SPRED1: variants seen among roughly 807,000 people sequenced by gnomAD.
The protein encoded by SPRED1 is sprouty related EVH1 domain containing 1.
SPRED1 carries 18 observed loss-of-function variants against 52.3 expected under a neutral mutation model. The observed-to-expected ratio is 0.34, with a 90% CI of 0.24 to 0.51. The LOEUF (loss-of-function observed/expected upper bound fraction) is 0.51. SPRED1 is among the 20% of genes least tolerant of loss of function. The pLI is 0.97. For synonymous variants in SPRED1, 155 were observed against 179.7 expected (o/e 0.86, Z 1.10); for missense variants, 485 against 551.0 (o/e 0.88, Z 1.20).
At chr15:38,265,827 G>T (rs74800982) in intron 1 of SPRED1, among the ~76,000 whole-genome samples, 4 of 151,816 alleles carry the variant, frequency 2.6e-5, no homozygotes, top group East Asian at 1.9e-4. Flanking sequence ...ATCTATTTTC[G>T]TGGGAGAGAA....
rs200632168 is a variant in SPRED1, at chr15:38,339,918, C to T, written c.582+23C>T. The T allele has an allele frequency of 1.2e-4, 196 of 1,613,298 alleles. No homozygotes were observed. The East Asian group carries it at 3.7e-3, about 30-fold the overall frequency. On this transcript the variant is annotated intron_variant, in intron 5 of 6. Transcript: ENST00000299084. ...CAGGTAAGAAGATAAAATATTTTTTCGGCGCGTTGTTTATATGTGTAGAAA... is the reference window on the plus strand; with the variant it reads ...CAGGTAAGAAGATAAAATATTTTTTTGGCGCGTTGTTTATATGTGTAGAAA...
At chr15:38,263,116 T>G (rs1894236221) in intron 1 of SPRED1, among the ~76,000 whole-genome samples, 1 of 152,218 alleles carries the variant, frequency 6.6e-6, no homozygotes, top group Admixed American at 6.5e-5. Flanking sequence ...GAGAAGAAAT[T>G]CAAATGTCCA....
chr15:38,305,199 G>A (rs1346869486), intron 2 of SPRED1, among the ~76,000 whole-genome samples: 1 of 152,066 alleles, frequency 6.6e-6, no homozygotes, highest in African/African-American at 2.4e-5. Flanking sequence ...GGGCATGGGG[G>A]CAGACACCTG....
chr15:38,260,806 C>T (rs995277653), intron 1 of SPRED1, among the ~76,000 whole-genome samples: 1 of 152,086 alleles, frequency 6.6e-6, no homozygotes, highest in African/African-American at 2.4e-5. Context: ...ACACAAAAGG[C>T]TAAAATCTTC....
intron 1 of SPRED1, among the ~76,000 whole-genome samples, chr15:38,284,999 G>A (rs1218125549): frequency 6.6e-6 from 1 of 151,812 alleles, no homozygotes; most frequent in African/African-American, 2.4e-5. Context: ...ACATTGAGAA[G>A]CCTTCCTCTG....
At chr15:38,311,430 A>G (rs1425310582) in intron 2 of SPRED1, among the ~76,000 whole-genome samples, 1 of 152,140 alleles carries the variant, frequency 6.6e-6, no homozygotes, top group Non-Finnish European at 1.5e-5. Context: ...TCAAGGTAAT[A>G]CTGGCCTCAT....
chr15:38,340,013 A>G, intron 5 of SPRED1, 118 bp downstream of exon 5: 1 of 1,268,222 alleles, frequency 7.9e-7, no homozygotes, highest in Non-Finnish European at 1.1e-6. Flanking sequence ...CAAACAAACA[A>G]AAACCCCACA....
intron 1 of SPRED1, among the ~76,000 whole-genome samples, chr15:38,294,350 C>T (rs1175039631): frequency 2.0e-5 from 3 of 151,852 alleles, no homozygotes; most frequent in Non-Finnish European, 2.9e-5. Flanking sequence ...GTTGGTGGGG[C>T]GGAGGTCAGG....
At chr15:38,286,061 T>C (rs1894800683) in intron 1 of SPRED1, among the ~76,000 whole-genome samples, 1 of 151,800 alleles carries the variant, frequency 6.6e-6, no homozygotes, top group African/African-American at 2.4e-5. Context: ...CTGGGAAACA[T>C]AGTGAGGCCC....
chr15:38,265,942 C>T (rs370106028), intron 1 of SPRED1, among the ~76,000 whole-genome samples: 6 of 152,074 alleles, frequency 3.9e-5, no homozygotes, highest in South Asian at 2.1e-4. Context: ...ATTAGATGGA[C>T]GCACTATTTC....
chr15:38,271,334 A>G (rs1894430373), intron 1 of SPRED1, among the ~76,000 whole-genome samples: 1 of 152,208 alleles, frequency 6.6e-6, no homozygotes, highest in African/African-American at 2.4e-5. Context: ...GTGCATTGGA[A>G]TGCTGGGCTA....
chr15:38,352,847 A>G lies in SPRED1; in HGVS notation c.*1183A>G, dbSNP rs986815823. ...AACTGGCCAAAAGCAAAATTATTTTATGTTAAAATGTGTGCTAAACTATCC... is the reference window on the plus strand; with the variant it reads ...AACTGGCCAAAAGCAAAATTATTTTGTGTTAAAATGTGTGCTAAACTATCC... On this transcript the variant is annotated 3_prime_UTR_variant, in exon 7 of 7. Transcript: ENST00000299084. The G allele has an allele frequency of 6.6e-6, 1 of 152,274 alleles. No homozygotes were observed. Among genetic ancestry groups the G allele is most frequent in the African/African-American group, 2.4e-5 (1 of 41,594 alleles). 9.4% of individuals were successfully genotyped at this position (152,274 alleles called of 1,614,324 possible).
At position 38,356,568 on chromosome 15, in the gene SPRED1, T is replaced by C. The variant is rs1235859355; in HGVS notation, c.*4904T>C. The C allele has an allele frequency of 6.6e-6, 1 of 152,132 alleles. No individual in the cohort carries two copies. Among genetic ancestry groups the C allele is most frequent in the African/African-American group, 2.4e-5 (1 of 41,454 alleles). 9.4% of individuals were successfully genotyped at this position (152,132 alleles called of 1,614,324 possible). A position where few individuals can be genotyped will look rare whatever the true frequency, so the allele number is the denominator to read the frequency against. On this transcript the variant is annotated 3_prime_UTR_variant, in exon 7 of 7. Transcript: ENST00000299084. ...GATAATTAGCTCTGTTCTTTAAAAG[T>C]ATACTTTTAAACTGAAAGTTCACAT...
intron 3 of SPRED1, among the ~76,000 whole-genome samples, chr15:38,323,997 TA>T (rs879712715): frequency 6.6e-6 from 1 of 152,146 alleles, no homozygotes; most frequent in East Asian, 1.9e-4. Flanking sequence ...TTTTGAACAT[TA>T]AAAAACATTA....
intron 1 of SPRED1, chr15:38,283,534 T>G: frequency 1.0e-6 from 1 of 982,056 alleles, no homozygotes; most frequent in Non-Finnish European, 1.2e-6. Context: ...CTTTTTTCAG[T>G]AAGTGCTATG....
intron 2 of SPRED1, among the ~76,000 whole-genome samples, chr15:38,304,531 A>G (rs888860182): frequency 3.3e-5 from 5 of 152,204 alleles, no homozygotes; most frequent in African/African-American, 1.2e-4. Flanking sequence ...ACCCACATAT[A>G]TAAATCCCAT....
rs1888472357 is a variant in SPRED1, at chr15:38,351,063, T to C, written c.734T>C (p.Ile245Thr). ...RHVSFQDEDE[I>T]VRINPRDILI... Reference sequence around the variant, plus strand: ...GTCAGCTTTCAAGATGAGGATGAGATTGTCAGAATAAACCCTCGAGATATC... The same window carrying C: ...GTCAGCTTTCAAGATGAGGATGAGACTGTCAGAATAAACCCTCGAGATATC... Residue 245 changes from isoleucine (I) to threonine (T), a missense_variant, in exon 7 of 7, where the codon ATT (isoleucine) becomes ACT (threonine). Ile to Thr is a moderately conservative substitution (Grantham distance 89). Coordinates refer to ENST00000299084, the MANE Select transcript of SPRED1 (RefSeq NM_152594.3). The C allele has an allele frequency of 6.2e-7, 1 of 1,613,760 alleles. No homozygotes were observed. Among genetic ancestry groups the C allele is most frequent in the Non-Finnish European group, 8.5e-7 (1 of 1,179,974 alleles).
intron 1 of SPRED1, among the ~76,000 whole-genome samples, chr15:38,264,004 C>T (rs749551911): frequency 3.3e-5 from 5 of 152,036 alleles, no homozygotes; most frequent in South Asian, 4.2e-4. Context: ...TCATTTAGGG[C>T]GAAGTTAGTA....
At chr15:38,257,767 G>A (rs1894128936) in intron 1 of SPRED1, among the ~76,000 whole-genome samples, 2 of 152,060 alleles carry the variant, frequency 1.3e-5, no homozygotes, top group Admixed American at 1.3e-4. Context: ...TTCCACATTA[G>A]TGCCAAGGGT....
Sources: allele counts gnomAD v4.1 joint callset (sites outside exome capture counted in the v4.1 genomes callset), GRCh38; gene constraint gnomAD v4.1.1; transcripts MANE v1.5; gene names NCBI Gene and HGNC (gene_info 2026-07-23, HGNC 2026-07-21).